Variants in PCID2 observed in about 807,000 individuals in gnomAD.
PCID2 encodes the protein PCI domain containing 2.
Under a neutral mutation model 61.3 loss-of-function variants are expected in PCID2, and 41 were observed. That is an observed-to-expected ratio of 0.67 (90% CI 0.52 to 0.87). The LOEUF (loss-of-function observed/expected upper bound fraction) is 0.87. Among genes scored for constraint, PCID2 ranks in the 40% least tolerant of loss-of-function variants. PCID2 has a pLI of 0.00. For missense variants in PCID2, 392 were observed against 493.4 expected, an observed-to-expected ratio of 0.79 and a Z score of 1.95; for synonymous variants, 187 against 177.8, an observed-to-expected ratio of 1.05 and a Z score of -0.41.
intron 6 of PCID2, among the ~76,000 whole-genome samples, chr13:113,193,755 T>C (rs933507137): frequency 5.9e-5 from 9 of 152,350 alleles, no homozygotes; most frequent in Admixed American, 4.6e-4. Context: ...CTTCTTTATA[T>C]CGCCTATTTC....
intron 4 of PCID2, 126 bp from the exon 5 acceptor site, chr13:113,196,348 AGTAAGTTCTTGAAGG>A (rs936073619): frequency 1.5e-6 from 1 of 674,810 alleles, no homozygotes; most frequent in African/African-American, 1.8e-5. Flanking sequence ...TTGCAACAAT[AGTAAGTTCTTGAAGG>A]AAAAAAGGTA....
intron 6 of PCID2, among the ~76,000 whole-genome samples, chr13:113,193,701 G>C (rs2038788758): frequency 6.6e-6 from 1 of 152,066 alleles, no homozygotes; most frequent in Admixed American, 6.5e-5. Flanking sequence ...AAAGCTTTCT[G>C]AGGTCTTCAG....
intron 6 of PCID2, among the ~76,000 whole-genome samples, chr13:113,194,517 C>G (rs2038862019): frequency 6.6e-6 from 1 of 152,158 alleles, no homozygotes; most frequent in South Asian, 2.1e-4. Context: ...GGGTGAAATC[C>G]ATTGCATCCT....
chr13:113,200,731 G>A (rs975340147), intron 1 of PCID2: 2 of 346,882 alleles, frequency 5.8e-6, no homozygotes, highest in Non-Finnish European at 5.1e-6. Context: ...ACGGAGTCTC[G>A]CTCTGTCGCC....
intron 6 of PCID2, among the ~76,000 whole-genome samples, chr13:113,194,275 G>A (rs2038841073): frequency 1.3e-5 from 2 of 152,200 alleles, no homozygotes; most frequent in South Asian, 4.1e-4. Flanking sequence ...TGTCTTGCTG[G>A]ATTGGACTGT....
At position 113,179,954 on chromosome 13, in the gene PCID2, G is replaced by A; in HGVS notation, c.949C>T (p.Leu317=). ...AGGTTCCTGTAGGTGATGATCTTCAGCTTCTCCAGGATGAGGAAGATTCCG... is the reference window on the plus strand; with the variant it reads ...AGGTTCCTGTAGGTGATGATCTTCAACTTCTCCAGGATGAGGAAGATTCCG... ...RCGIFLILEK[L]KIITYRNLFK... Residue 317 remains leucine (L), a synonymous_variant, in exon 12 of 14, where the codon CTG becomes TTG. Transcript: ENST00000337344. This position sits in a 1 kb window ranked among gnomAD's most constrained non-coding sequence, Gnocchi z 4.3. 1 of 1,613,858 alleles carries A rather than the reference G, an allele frequency of 6.2e-7. No homozygotes were observed. Among genetic ancestry groups the A allele is most frequent in the Non-Finnish European group, 8.5e-7 (1 of 1,179,850 alleles).
intron 1 of PCID2, among the ~76,000 whole-genome samples, chr13:113,201,540 G>A (rs776479402): frequency 2.0e-5 from 3 of 152,222 alleles, no homozygotes; most frequent in Non-Finnish European, 2.9e-5. Context: ...TGCCGGTCAC[G>A]GTGGCTCACG....
At chr13:113,167,164 G>A in the PCID2 span, among the ~76,000 whole-genome samples, 98 of 152,292 alleles carry the variant, frequency 6.4e-4, no homozygotes, top group African/African-American at 2.1e-3. Flanking sequence ...TTACATCCTA[G>A]GGAAGAAGTA....
intron 7 of PCID2, chr13:113,187,118 G>A (rs562652527): frequency 5.9e-5 from 9 of 152,254 alleles, no homozygotes; most frequent in Non-Finnish European, 1.3e-4. Context: ...ATCTGAAAAC[G>A]GAGACAAATA....
chr13:113,190,800 C>A, intron 7 of PCID2, 72 bp downstream of exon 7: 3 of 783,086 alleles, frequency 3.8e-6, no homozygotes, highest in South Asian at 1.8e-5. Flanking sequence ...AAACACAGGC[C>A]AGAAAGGGTG....
intron 1 of PCID2, among the ~76,000 whole-genome samples, chr13:113,202,781 G>C (rs1349007769): frequency 6.6e-6 from 1 of 152,164 alleles, no homozygotes; most frequent in Non-Finnish European, 1.5e-5. Flanking sequence ...TCTAGAGAGG[G>C]GGGTGGAATG....
chr13:113,166,418 GCCC>G, the PCID2 span: 1 of 152,116 alleles, frequency 6.6e-6, no homozygotes, highest in Non-Finnish European at 1.5e-5. Context: ...AGCCTCAGGG[GCCC>G]CCCTTGTGAG....
At chr13:113,197,741 G>GA (rs1314142843) in intron 3 of PCID2, among the ~76,000 whole-genome samples, 4 of 152,190 alleles carry the variant, frequency 2.6e-5, no homozygotes, top group Admixed American at 2.6e-4. Context: ...AGGCTGCTCT[G>GA]AAAGACAGTA....
At chr13:113,170,488 G>T in the PCID2 span, 4 of 1,607,368 alleles carry the variant, frequency 2.5e-6, no homozygotes, top group Non-Finnish European at 3.4e-6. Context: ...ACTGACAACA[G>T]CAAAATGTTC....
chr13:113,198,880 T>G (rs1359633732), intron 2 of PCID2, among the ~76,000 whole-genome samples: 1 of 152,240 alleles, frequency 6.6e-6, no homozygotes, highest in Non-Finnish European at 1.5e-5. Context: ...AGTCAAGAAA[T>G]ACTTGTTAAG....
downstream of PCID2, among the ~76,000 whole-genome samples, chr13:113,176,590 C>T (rs1254410753): frequency 1.7e-4 from 1 of 5,878 alleles, no homozygotes; most frequent in African/African-American, 2.4e-4. Flanking sequence ...TAGCAAGACG[C>T]TGTCTCTACA....
At chr13:113,165,172 A>C in the PCID2 span, 1 of 1,533,956 alleles carries the variant, frequency 6.5e-7, no homozygotes, top group Non-Finnish European at 8.9e-7. Context: ...CTTTCACCTC[A>C]CTTGTCATTT....
chr13:113,203,000 A>G (rs1225222411), intron 1 of PCID2, among the ~76,000 whole-genome samples: 1 of 152,238 alleles, frequency 6.6e-6, no homozygotes, highest in Non-Finnish European at 1.5e-5. Context: ...CAAAACAAAA[A>G]AAATCCTGAA....
At chr13:113,171,261 A>T in the PCID2 span, among the ~76,000 whole-genome samples, 1 of 152,146 alleles carries the variant, frequency 6.6e-6, no homozygotes, top group Non-Finnish European at 1.5e-5. This position sits in a 1 kb window ranked among gnomAD's most constrained non-coding sequence, Gnocchi z 5.1. Flanking sequence ...CGTGAAAACC[A>T]CTTCTCAACA....
Sources: gnomAD v4.1 joint callset for allele counts (sites outside exome capture counted in the v4.1 genomes callset) on GRCh38, gnomAD v4.1.1 for gene constraint, Gnocchi (gnomAD v3.1) non-coding constraint, MANE v1.5 for transcripts, NCBI Gene and HGNC (gene_info 2026-07-23, HGNC 2026-07-21) for gene names.